The following LUC7L2 variants were observed in gnomAD, a reference collection of about 807,000 sequenced individuals.
LUC7L2 encodes the protein LUC7 like 2, pre-mRNA splicing factor.
In LUC7L2, 25 loss-of-function variants were observed where a neutral mutation model predicts 52.8. The observed-to-expected ratio is 0.47, with a 90% CI of 0.34 to 0.66. LUC7L2 has a LOEUF of 0.66. Ranked by LOEUF, LUC7L2 falls within the 30% of genes least tolerant of loss-of-function variation. The probability of loss-of-function intolerance (pLI) is 0.01; values close to 1 mark genes in which losing one functional copy is unlikely to be tolerated. For synonymous variants in LUC7L2, 144 were observed against 160.9 expected, an observed-to-expected ratio of 0.89 and a Z score of 0.80; for missense variants, 328 against 497.8, an observed-to-expected ratio of 0.66 and a Z score of 3.25.
In LUC7L2 at chr7:139,389,977, A is replaced by G. The variant is rs139087276; in HGVS notation, c.157-8622A>G. 3.9e-5 allele frequency among the ~76,000 whole-genome samples: 6 copies of G among 152,326 alleles called. No individual in the cohort carries two copies. In the East Asian group the frequency reaches 1.2e-3, roughly 29 times the overall value. On this transcript the variant is annotated intron_variant, in intron 2 of 9. Coordinates refer to ENST00000354926, the MANE Select transcript of LUC7L2 (RefSeq NM_016019.5). ...GAGGCCAGGAGTTACCAGCCTGGAC[A>G]ACATAGCAAGATCCCATCTCAAAAA...
intron 1 of LUC7L2, among the ~76,000 whole-genome samples, chr7:139,366,477 G>A (rs570693167): frequency 7.5e-6 from 1 of 133,518 alleles, no homozygotes; most frequent in African/African-American, 3.7e-5. Context: ...TTCTCTTAAA[G>A]TAACTTTAAT....
At chr7:139,413,192 T>C (rs752854339) in intron 8 of LUC7L2, among the ~76,000 whole-genome samples, 1 of 152,226 alleles carries the variant, frequency 6.6e-6, no homozygotes, top group African/African-American at 2.4e-5. Flanking sequence ...GTTTGAAACC[T>C]TTCTTTGTAG....
chr7:139,397,718 A>C (rs1309826533), intron 2 of LUC7L2, among the ~76,000 whole-genome samples: 1 of 152,206 alleles, frequency 6.6e-6, no homozygotes, highest in African/African-American at 2.4e-5. Context: ...AGATCTTAAC[A>C]GTTGCCTAGA....
rs1454880578 is a variant in LUC7L2, at chr7:139,380,911, A to G, written c.156+4755A>G. ...ATACATGACTAATAATTTATAGTAG[A>G]CTTTAAATATAAAGCAAAGATGTTA... On this transcript the variant is annotated intron_variant, in intron 2 of 9. Coordinates refer to ENST00000354926, the MANE Select transcript of LUC7L2 (RefSeq NM_016019.5). 3.3e-5 allele frequency among the ~76,000 whole-genome samples: 5 copies of G among 152,350 alleles called. No homozygotes were observed. The South Asian group carries it at 1.0e-3, about 32-fold the overall frequency.
chr7:139,345,381 A>G (rs894674858), intron 1 of LUC7L2: 1 of 1,415,444 alleles, frequency 7.1e-7, no homozygotes, highest in African/African-American at 1.4e-5. Flanking sequence ...ATATACATAC[A>G]TGTCTGTATT....
chr7:139,371,558 C>G, intron 1 of LUC7L2: 1 of 1,175,224 alleles, frequency 8.5e-7, no homozygotes, highest in Non-Finnish European at 1.2e-6. Context: ...GTGGGTAGTA[C>G]TGGGGGGAGG....
chr7:139,402,351 A>G, intron 4 of LUC7L2, 104 bp downstream of exon 4: 3 of 1,127,842 alleles, frequency 2.7e-6, no homozygotes, highest in Non-Finnish European at 2.4e-6. Flanking sequence ...GCAAAGACAT[A>G]TACAAGGAAT....
At chr7:139,344,521 A>G (rs1389591789) in intron 1 of LUC7L2, among the ~76,000 whole-genome samples, 1 of 151,996 alleles carries the variant, frequency 6.6e-6, no homozygotes, top group Non-Finnish European at 1.5e-5. Context: ...TTTTTTTCTG[A>G]GTATTTTTTA....
intron 1 of LUC7L2, among the ~76,000 whole-genome samples, chr7:139,342,012 C>T (rs1009345800): frequency 6.6e-6 from 1 of 152,164 alleles, no homozygotes; most frequent in Non-Finnish European, 1.5e-5. Flanking sequence ...GGGAAGGAAA[C>T]TTGCTGCCCT....
chr7:139,385,667 C>G (rs1794164578), intron 2 of LUC7L2, among the ~76,000 whole-genome samples: 1 of 152,106 alleles, frequency 6.6e-6, no homozygotes, highest in African/African-American at 2.4e-5. Context: ...ACCAGTTATT[C>G]CCAAACAAAG....
intron 8 of LUC7L2, 77 bp downstream of exon 8, chr7:139,412,657 G>C (rs377440499): frequency 6.6e-7 from 1 of 1,511,454 alleles, no homozygotes; most frequent in Non-Finnish European, 8.9e-7. Context: ...TTGATTAAAT[G>C]GTCCTTTAAA....
chr7:139,382,372 G>GAT (rs1431596780), intron 2 of LUC7L2, among the ~76,000 whole-genome samples: 1 of 145,882 alleles, frequency 6.9e-6, no homozygotes, highest in African/African-American at 2.7e-5. Flanking sequence ...CTTTGATATT[G>GAT]TCACAGTCTT....
intron 1 of LUC7L2, among the ~76,000 whole-genome samples, chr7:139,368,814 CT>C (rs1800301342): frequency 6.6e-6 from 1 of 151,532 alleles, no homozygotes; most frequent in Non-Finnish European, 1.5e-5. Context: ...CGTCTCAGTC[CT>C]TTCCCCAGAG....
chr7:139,346,942 CCTT>C (rs1223867890), intron 1 of LUC7L2, among the ~76,000 whole-genome samples: 4 of 152,312 alleles, frequency 2.6e-5, no homozygotes, highest in African/African-American at 9.6e-5. Context: ...GCTCTAATAA[CCTT>C]CTCCTCGTCT....
At chr7:139,409,842 T>C (rs529203409) in intron 7 of LUC7L2, among the ~76,000 whole-genome samples, 188 bp downstream of exon 7, 71 of 152,342 alleles carry the variant, frequency 4.7e-4, no homozygotes, top group African/African-American at 1.7e-3. Context: ...CTCTTGGCCA[T>C]TTAACGGAAT....
intron 1 of LUC7L2, among the ~76,000 whole-genome samples, chr7:139,373,806 G>A (rs913088928): frequency 1.3e-5 from 2 of 152,182 alleles, no homozygotes; most frequent in African/African-American, 2.4e-5. Context: ...TCTAAGGCCT[G>A]AGCCATTAGT....
chr7:139,423,114 G>T lies in LUC7L2; in HGVS notation c.*774G>T, dbSNP rs947167040. The T allele has an allele frequency of 2.5e-6, 1 of 398,826 alleles. No individual in the cohort carries two copies. Among genetic ancestry groups the T allele is most frequent in the African/African-American group, 2.1e-5 (1 of 48,684 alleles). 24.7% of individuals were successfully genotyped at this position (398,826 alleles called of 1,614,324 possible). On this transcript the variant is annotated 3_prime_UTR_variant, in exon 10 of 10. Transcript: ENST00000354926. ...GGAGTATAAAGGCTACACCCTTATT[G>T]TAAAAAAATAATAATAATAAAATGA...
At chr7:139,390,954 A>G (rs1794425140) in intron 2 of LUC7L2, among the ~76,000 whole-genome samples, 1 of 152,188 alleles carries the variant, frequency 6.6e-6, no homozygotes, top group South Asian at 2.1e-4. Context: ...CTTGTCAACA[A>G]TTTAGTGTAC....
intron 1 of LUC7L2, among the ~76,000 whole-genome samples, chr7:139,347,725 G>A (rs1342993798): frequency 1.3e-5 from 2 of 150,920 alleles, no homozygotes; most frequent in Non-Finnish European, 3.0e-5. Flanking sequence ...TTTTTGTTTT[G>A]TTTTGAGACA....
Sources: gnomAD v4.1 joint callset for allele counts (sites outside exome capture counted in the v4.1 genomes callset) on GRCh38, gnomAD v4.1.1 for gene constraint, MANE v1.5 for transcripts, NCBI Gene and HGNC (gene_info 2026-07-23, HGNC 2026-07-21) for gene names.